Variants in NEK1 observed in about 807,000 individuals in gnomAD.
NEK1 encodes NIMA related kinase 1.
NEK1 carries 137 observed loss-of-function variants against 182.1 expected under a neutral mutation model. The ratio of observed to expected loss-of-function variants is 0.75; its 90% confidence interval spans 0.65 to 0.87. NEK1 has a LOEUF of 0.87. NEK1 is among the 40% of genes least tolerant of loss of function. The pLI, the probability that NEK1 is intolerant of heterozygous loss-of-function variation, is 0.00. For missense variants in NEK1, 1,391 were observed against 1,494.4 expected (o/e 0.93, Z 1.14); for synonymous variants, 513 against 492.2 (o/e 1.04, Z -0.56).
chr4:169,512,214 G>C (rs1164674824), intron 19 of NEK1, among the ~76,000 whole-genome samples: 2 of 152,126 alleles, frequency 1.3e-5, no homozygotes, highest in African/African-American at 4.8e-5. Context: ...CACAATGGCT[G>C]TATCATTTTA....
At chr4:169,553,855 A>C (rs530238662) in intron 18 of NEK1, among the ~76,000 whole-genome samples, 19 of 152,198 alleles carry the variant, frequency 1.2e-4, no homozygotes, top group Non-Finnish European at 2.2e-4. Flanking sequence ...GCTGGAGAGG[A>C]TGTGGGGCAA....
chr4:169,406,340 CCT>C (rs910941037), intron 32 of NEK1, among the ~76,000 whole-genome samples: 15 of 151,810 alleles, frequency 9.9e-5, no homozygotes, highest in African/African-American at 3.4e-4. Context: ...TAAGTTATCC[CCT>C]CTTTTTTACA....
In NEK1 at chr4:169,508,307, T is replaced by C; in HGVS notation, c.1774A>G (p.Ile592Val). Residue 592 changes from isoleucine (I) to valine (V), a missense_variant, in exon 21 of 36, where the codon ATA (isoleucine) becomes GTA (valine). By Grantham distance (29) the Ile-to-Val change is conservative. Around this residue, in one of 5 missense-constraint regions of NEK1, gnomAD observed 1,216 missense variants for 1,277.6 expected, o/e 0.95. Coordinates refer to ENST00000507142, the MANE Select transcript of NEK1 (RefSeq NM_001199397.3). ...EEVYLARLRQ[I>V]RLQNFNERQQ... ...CGCTCATTGAAATTCTGTAGTCTTA[T>C]TTGCCTCAGTCTTGCCAGATAAACC... 6.3e-7 allele frequency: 1 copy of C among 1,586,104 alleles called. No homozygotes were observed.
chr4:169,573,536 A>G (rs1194074178), intron 12 of NEK1, among the ~76,000 whole-genome samples: 1 of 152,156 alleles, frequency 6.6e-6, no homozygotes, highest in African/African-American at 2.4e-5. Flanking sequence ...TTTTTTGGTT[A>G]TTGGTAATAA....
chr4:169,515,623 G>T (rs1755083295), intron 19 of NEK1, among the ~76,000 whole-genome samples: 1 of 118,768 alleles, frequency 8.4e-6, no homozygotes, highest in Non-Finnish European at 1.7e-5. Context: ...TCTAGCATTA[G>T]GTATATCTCC....
At chr4:169,556,932 C>G (rs1414172361) in intron 16 of NEK1, among the ~76,000 whole-genome samples, 1 of 151,962 alleles carries the variant, frequency 6.6e-6, no homozygotes, top group African/African-American at 2.4e-5. Context: ...ATGACAAATA[C>G]AAGGAAGGCA....
intron 27 of NEK1, among the ~76,000 whole-genome samples, chr4:169,454,109 G>A (rs999872012): frequency 2.0e-5 from 3 of 152,122 alleles, no homozygotes; most frequent in African/African-American, 7.2e-5. Flanking sequence ...AATGGTGCTG[G>A]GAAAACTGGC....
chr4:169,591,472 T>G (rs558670204), intron 5 of NEK1, among the ~76,000 whole-genome samples: 30 of 152,008 alleles, frequency 2.0e-4, no homozygotes, highest in Non-Finnish European at 3.5e-4. Flanking sequence ...GCATCTGACC[T>G]CTATAATGCT....
chr4:169,542,104 G>T (rs557264906), intron 18 of NEK1, among the ~76,000 whole-genome samples: 1 of 152,084 alleles, frequency 6.6e-6, no homozygotes, highest in African/African-American at 2.4e-5. Context: ...ACATGCCATG[G>T]AGGTTTGCTG....
chr4:169,417,963 A>G (rs1262570460), intron 31 of NEK1, among the ~76,000 whole-genome samples: 1 of 152,192 alleles, frequency 6.6e-6, no homozygotes, highest in Non-Finnish European at 1.5e-5. Flanking sequence ...AAATAAAACA[A>G]AAAAAACTTC....
Position 169,393,457 on chromosome 4 carries a change from G to A in NEK1, c.*1053C>T, listed in dbSNP as rs530143898. The A allele has an allele frequency of 6.6e-6, 1 of 152,208 alleles. No homozygotes were observed. The highest frequency in any genetic ancestry group is 1.9e-4 in the East Asian group (1 of 5,186). 9.4% of individuals were successfully genotyped at this position (152,208 alleles called of 1,614,324 possible). A position where few individuals can be genotyped will look rare whatever the true frequency, so the allele number is the denominator to read the frequency against. ...TGCCAACCAGCCTGCTTTGGACTCA[G>A]AGGTTCAAAAACTTTGCTTTTATTA... On this transcript the variant is annotated 3_prime_UTR_variant, in exon 36 of 36. Transcript: ENST00000507142.
intron 19 of NEK1, among the ~76,000 whole-genome samples, chr4:169,521,456 C>CT (rs1338835082): frequency 6.6e-6 from 1 of 151,332 alleles, no homozygotes; most frequent in African/African-American, 2.4e-5. Flanking sequence ...ATGCAGAAAT[C>CT]ACCCGTCTTC....
intron 23 of NEK1, among the ~76,000 whole-genome samples, chr4:169,493,495 G>C (rs1407149744): frequency 5.3e-5 from 8 of 152,142 alleles, no homozygotes; most frequent in African/African-American, 1.9e-4. Flanking sequence ...TGATGGCAAG[G>C]AAACTCCACA....
intron 2 of NEK1, among the ~76,000 whole-genome samples, chr4:169,609,509 G>A (rs940327791): frequency 1.3e-5 from 2 of 152,052 alleles, no homozygotes; most frequent in Non-Finnish European, 2.9e-5. Flanking sequence ...TAGATTTTTA[G>A]GGATCAGAAT....
At chr4:169,458,467 C>A (rs2149488571) in intron 27 of NEK1, among the ~76,000 whole-genome samples, 1 of 152,188 alleles carries the variant, frequency 6.6e-6, no homozygotes, top group South Asian at 2.1e-4. Flanking sequence ...GTGGCTCACA[C>A]CAGTAATCCC....
chr4:169,405,370 T>C (rs928155214), intron 32 of NEK1, among the ~76,000 whole-genome samples: 1 of 152,210 alleles, frequency 6.6e-6, no homozygotes, highest in Admixed American at 6.5e-5. Context: ...GTGAAAACAC[T>C]GTATAAAAGA....
At chr4:169,459,124 C>T (rs1743476028) in intron 27 of NEK1, among the ~76,000 whole-genome samples, 1 of 151,512 alleles carries the variant, frequency 6.6e-6, no homozygotes, top group Admixed American at 6.6e-5. Context: ...TTGCAAAAGA[C>T]ATATTTGATA....
intron 24 of NEK1, among the ~76,000 whole-genome samples, chr4:169,478,576 T>C (rs1414144552): frequency 6.6e-6 from 1 of 152,146 alleles, no homozygotes; most frequent in African/African-American, 2.4e-5. Flanking sequence ...ACTTATATTT[T>C]CCTACTGAGT....
intron 27 of NEK1, among the ~76,000 whole-genome samples, chr4:169,446,320 GAAAAT>G (rs1306760748): frequency 4.0e-5 from 6 of 151,622 alleles, no homozygotes; most frequent in Non-Finnish European, 8.8e-5. Context: ...CCCAAATAAA[GAAAAT>G]AAAAAACAAA....
Sources: allele counts gnomAD v4.1 joint callset (sites outside exome capture counted in the v4.1 genomes callset), GRCh38; gene constraint gnomAD v4.1.1; regional missense constraint gnomAD v4.1.1; transcripts MANE v1.5; gene names NCBI Gene and HGNC (gene_info 2026-07-23, HGNC 2026-07-21).